CNTNAP4: variants seen among roughly 807,000 people sequenced by gnomAD.
CNTNAP4 encodes the protein contactin associated protein family member 4.
CNTNAP4 carries 98 observed loss-of-function variants against 148.4 expected under a neutral mutation model. That is an observed-to-expected ratio of 0.66 (90% CI 0.56 to 0.78). The LOEUF (loss-of-function observed/expected upper bound fraction) is 0.78. Ranked by LOEUF, CNTNAP4 falls within the 30% of genes least tolerant of loss-of-function variation. CNTNAP4 has a pLI of 0.00. For synonymous variants in CNTNAP4, 730 were observed against 565.1 expected (o/e 1.29, Z -4.14); for missense variants, 1,935 against 1,565.6 (o/e 1.24, Z -3.98).
chr16:76,493,334 A>G (rs1291096650), intron 13 of CNTNAP4, among the ~76,000 whole-genome samples: 2 of 152,210 alleles, frequency 1.3e-5, no homozygotes, highest in Non-Finnish European at 2.9e-5. Flanking sequence ...GACTCAGCAC[A>G]CAGGAAGGGT....
intron 1 of CNTNAP4, among the ~76,000 whole-genome samples, chr16:76,296,147 G>A (rs1002812471): frequency 6.6e-6 from 1 of 152,134 alleles, no homozygotes; most frequent in South Asian, 2.1e-4. Flanking sequence ...AAATCTTTCT[G>A]AAATAAGGCT....
At chr16:76,539,619 G>A (rs764837325) in intron 19 of CNTNAP4, 100 bp from the exon 20 acceptor site, 29 of 1,004,536 alleles carry the variant, frequency 2.9e-5, no homozygotes, top group South Asian at 9.6e-5. Context: ...TTTTTCCCTC[G>A]AAATGAATAA....
intron 1 of CNTNAP4, among the ~76,000 whole-genome samples, chr16:76,294,885 A>T (rs1959196839): frequency 6.6e-6 from 1 of 152,016 alleles, no homozygotes; most frequent in Admixed American, 6.6e-5. Context: ...AGAAGTTTCG[A>T]CTCTCAGATA....
intron 9 of CNTNAP4, 141 bp from the exon 10 acceptor site, chr16:76,467,208 CTAA>C: frequency 1.5e-6 from 1 of 676,950 alleles, no homozygotes; most frequent in Non-Finnish European, 2.4e-6. Context: ...TTAGATCAAA[CTAA>C]TAATGACTGC....
intron 10 of CNTNAP4, among the ~76,000 whole-genome samples, chr16:76,468,576 C>G (rs2081258847): frequency 6.6e-6 from 1 of 152,138 alleles, no homozygotes; most frequent in East Asian, 1.9e-4. Flanking sequence ...CACCCTCCAC[C>G]TCCTTAGCTC....
intron 12 of CNTNAP4, among the ~76,000 whole-genome samples, chr16:76,481,555 T>C (rs1328969333): frequency 6.6e-6 from 1 of 151,838 alleles, no homozygotes; most frequent in Non-Finnish European, 1.5e-5. Context: ...TCTCCCTGGC[T>C]GCATTTTAAC....
At chr16:76,453,775 G>A (rs1202280391) in intron 8 of CNTNAP4, among the ~76,000 whole-genome samples, 4 of 152,024 alleles carry the variant, frequency 2.6e-5, no homozygotes, top group Non-Finnish European at 5.9e-5. Flanking sequence ...TTTTGTTGCT[G>A]TACTACTATT....
At position 76,371,493 on chromosome 16, in the gene CNTNAP4, C is replaced by T. The variant is rs139800246; in HGVS notation, c.390+15982C>T. ...AGAAACAGGGTTTCACCATGTTATC[C>T]AGTCTGGTCTCGAACTCCTGACCTG... On this transcript the variant is annotated intron_variant, in intron 3 of 23. Transcript: ENST00000611870. 5.4e-3 allele frequency among the ~76,000 whole-genome samples: 826 copies of T among 152,190 alleles called. 6 individuals are homozygous for T. The highest frequency in any genetic ancestry group is 0.01 in the South Asian group (50 of 4,812).
chr16:76,446,206 C>T (rs754973269), intron 4 of CNTNAP4, among the ~76,000 whole-genome samples: 1 of 152,108 alleles, frequency 6.6e-6, no homozygotes, highest in Non-Finnish European at 1.5e-5. Flanking sequence ...GAATCAAATG[C>T]ATATTTGGGC....
chr16:76,438,893 C>T (rs1488512428), intron 4 of CNTNAP4, among the ~76,000 whole-genome samples: 1 of 152,142 alleles, frequency 6.6e-6, no homozygotes, highest in Admixed American at 6.5e-5. Context: ...TCATTCCATG[C>T]TTTGGAACTT....
chr16:76,449,663 G>T, intron 6 of CNTNAP4, 52 bp from the exon 7 acceptor site: 1 of 1,469,618 alleles, frequency 6.8e-7, no homozygotes, highest in Non-Finnish European at 9.1e-7. Flanking sequence ...TAATTAAGCA[G>T]ATTTTTAGAA....
chr16:76,376,213 A>G (rs2144665612), intron 3 of CNTNAP4, among the ~76,000 whole-genome samples: 1 of 152,322 alleles, frequency 6.6e-6, no homozygotes, highest in East Asian at 1.9e-4. Context: ...ACTCATGCAA[A>G]ATTAACATAG....
chr16:76,473,447 T>C (rs943674257), intron 10 of CNTNAP4, among the ~76,000 whole-genome samples: 8 of 152,136 alleles, frequency 5.3e-5, no homozygotes, highest in Non-Finnish European at 4.4e-5. Context: ...TTAGTTAAAA[T>C]TGGAAAAAAT....
chr16:76,434,691 A>G (rs2079748650), intron 4 of CNTNAP4, among the ~76,000 whole-genome samples: 1 of 152,170 alleles, frequency 6.6e-6, no homozygotes, highest in Admixed American at 6.5e-5. Flanking sequence ...TTCTTGGTAG[A>G]GGCAGCTCTA....
At chr16:76,456,898 G>A (rs1456784198) in intron 8 of CNTNAP4, among the ~76,000 whole-genome samples, 1 of 152,028 alleles carries the variant, frequency 6.6e-6, no homozygotes, top group Non-Finnish European at 1.5e-5. Flanking sequence ...TTTCCTCTCT[G>A]AGCCTCATTT....
chr16:76,323,455 C>T (rs186496162), intron 2 of CNTNAP4, among the ~76,000 whole-genome samples: 5 of 152,120 alleles, frequency 3.3e-5, no homozygotes, highest in African/African-American at 9.6e-5. Flanking sequence ...TTTTGTATAC[C>T]AGCCTTGAGA....
At chr16:76,477,316 T>A (rs1380611669) in intron 11 of CNTNAP4, among the ~76,000 whole-genome samples, 2 of 152,126 alleles carry the variant, frequency 1.3e-5, no homozygotes, top group Admixed American at 6.5e-5. Flanking sequence ...AAATGCCCAT[T>A]TCCCCCCCAT....
chr16:76,340,741 G>T (rs570035702), intron 2 of CNTNAP4, among the ~76,000 whole-genome samples: 1 of 152,170 alleles, frequency 6.6e-6, no homozygotes, highest in Non-Finnish European at 1.5e-5. Flanking sequence ...TTGCCTGCTA[G>T]TAGAACATTA....
chr16:76,381,695 A>C (rs374305865), intron 3 of CNTNAP4, among the ~76,000 whole-genome samples: 2 of 152,216 alleles, frequency 1.3e-5, no homozygotes, highest in South Asian at 2.1e-4. Context: ...AATAAAGGGA[A>C]CGGAGATATG....
Sources: allele counts gnomAD v4.1 joint callset (sites outside exome capture counted in the v4.1 genomes callset), GRCh38; gene constraint gnomAD v4.1.1; transcripts MANE v1.5; gene names NCBI Gene and HGNC (gene_info 2026-07-23, HGNC 2026-07-21).